PTPN20: variants seen among roughly 807,000 people sequenced by gnomAD.
The protein encoded by PTPN20 is protein tyrosine phosphatase non-receptor type 20, also known as tyrosine-protein phosphatase non-receptor type 20.
A neutral mutation model predicts 35.0 loss-of-function variants in PTPN20; 9 were observed. That is an observed-to-expected ratio of 0.26 (90% CI 0.15 to 0.45). PTPN20 has a LOEUF of 0.45. Among genes scored for constraint, PTPN20 ranks in the 20% least tolerant of loss-of-function variants. The probability of loss-of-function intolerance (pLI) is 1.00; values close to 1 mark genes in which losing one functional copy is unlikely to be tolerated. For missense variants in PTPN20, 111 were observed against 312.5 expected, an observed-to-expected ratio of 0.36 and a Z score of 4.86; for synonymous variants, 32 against 100.2, an observed-to-expected ratio of 0.32 and a Z score of 4.06.
intron 7 of PTPN20, among the ~76,000 whole-genome samples, chr10:46,972,217 T>A (rs2052394258): frequency 6.7e-6 from 1 of 149,046 alleles, no homozygotes; most frequent in African/African-American, 2.5e-5. Context: ...ATATTTATAA[T>A]CTATAATTAC....
intron 5 of PTPN20, among the ~76,000 whole-genome samples, chr10:46,953,273 C>T (rs1443682414): frequency 3.4e-5 from 5 of 146,032 alleles, no homozygotes; most frequent in Admixed American, 6.7e-5. Flanking sequence ...AGTAGATACT[C>T]ATGTTGGTGA....
chr10:46,991,164 C>T (rs1323141100), intron 9 of PTPN20, among the ~76,000 whole-genome samples: 1 of 112,820 alleles, frequency 8.9e-6, no homozygotes, highest in African/African-American at 3.2e-5. Context: ...TGAATTTTTC[C>T]CTTTGTCACT....
intron 1 of PTPN20, among the ~76,000 whole-genome samples, chr10:46,922,456 GT>G (rs1308194538): frequency 8.4e-6 from 1 of 118,652 alleles, no homozygotes; most frequent in Non-Finnish European, 1.7e-5. Context: ...TGTTTTACCT[GT>G]GGGTGGAAAG....
At chr10:46,948,004 A>C in intron 5 of PTPN20, 1 of 447,482 alleles carries the variant, frequency 2.2e-6, no homozygotes, top group Non-Finnish European at 4.4e-6. Context: ...ATAACAGACA[A>C]ACTGTATTCC....
intron 5 of PTPN20, among the ~76,000 whole-genome samples, chr10:46,957,279 T>G (rs1365852468): frequency 2.6e-5 from 4 of 151,606 alleles, no homozygotes; most frequent in Non-Finnish European, 5.9e-5. Flanking sequence ...CAATATTATG[T>G]CAAATAGAAG....
intron 7 of PTPN20, among the ~76,000 whole-genome samples, chr10:46,975,850 G>A (rs1375472868): frequency 2.0e-5 from 3 of 150,562 alleles, no homozygotes; most frequent in Admixed American, 2.0e-4. Flanking sequence ...TAGTAGAGAT[G>A]GGTTTTCTCC....
intron 9 of PTPN20, among the ~76,000 whole-genome samples, chr10:46,993,244 C>G (rs2058352651): frequency 6.6e-6 from 1 of 152,116 alleles, no homozygotes; most frequent in Non-Finnish European, 1.5e-5. Flanking sequence ...TTAGGGGAGC[C>G]CCCTCCAGTC....
chr10:46,959,192 G>A (rs1304108815), intron 5 of PTPN20, among the ~76,000 whole-genome samples: 2 of 125,294 alleles, frequency 1.6e-5, no homozygotes, highest in Admixed American at 8.1e-5. Context: ...GTTACTAGGC[G>A]TGTAAATGTT....
chr10:46,999,952 G>A lies in PTPN20; in HGVS notation c.1175G>A (p.Arg392His), dbSNP rs202027139. The A allele has an allele frequency of 1.0e-4, 168 of 1,613,704 alleles. No individual in the cohort carries two copies. The highest frequency in any genetic ancestry group is 7.3e-4 in the Admixed American group (44 of 59,994). Residue 392 changes from arginine (R) to histidine (H), a missense_variant, in exon 10 of 11, where the codon CGT (arginine) becomes CAT (histidine). Arg to His is a conservative substitution (Grantham distance 29). Coordinates refer to ENST00000374339, the MANE Select transcript of PTPN20 (RefSeq NM_001042357.5). The stretch of plus-strand genomic sequence containing the variant: ...ATAGTGGCCCAAATGAGAGAACAAC[G>A]TTCTGGCATGGTTCAAACGAAGGTA... Reference protein sequence around the residue: ...MDIVAQMREQRSGMVQTKEQY... With the variant: ...MDIVAQMREQHSGMVQTKEQY...
chr10:46,999,108 AG>A (rs2059659494), intron 9 of PTPN20, among the ~76,000 whole-genome samples: 1 of 152,146 alleles, frequency 6.6e-6, no homozygotes, highest in African/African-American at 2.4e-5. Context: ...AAAAACTAAA[AG>A]TTTTTTCAAA....
At chr10:46,923,494 T>A (rs1229185833) in intron 1 of PTPN20, among the ~76,000 whole-genome samples, 2 of 146,884 alleles carry the variant, frequency 1.4e-5, no homozygotes, top group Non-Finnish European at 3.0e-5. Flanking sequence ...GAATTTTCTT[T>A]GCTTCTTTAC....
intron 9 of PTPN20, among the ~76,000 whole-genome samples, chr10:46,994,581 G>T (rs965055095): frequency 3.3e-5 from 5 of 151,928 alleles, no homozygotes; most frequent in African/African-American, 4.8e-5. Context: ...TGATCCGCCC[G>T]CCTCGGCCTC....
intron 9 of PTPN20, among the ~76,000 whole-genome samples, chr10:46,991,640 C>T (rs1178136085): frequency 1.0e-3 from 130 of 129,972 alleles, no homozygotes; most frequent in African/African-American, 3.6e-3. Context: ...ATTTCCTTAG[C>T]TTTGATTGTC....
chr10:46,993,248 T>A (rs1222456711), intron 9 of PTPN20, among the ~76,000 whole-genome samples: 2 of 152,134 alleles, frequency 1.3e-5, no homozygotes, highest in Non-Finnish European at 2.9e-5. Context: ...GGGAGCCCCC[T>A]CCAGTCACTG....
At chr10:46,929,270 T>C (rs1467748133) in intron 1 of PTPN20, among the ~76,000 whole-genome samples, 1 of 128,594 alleles carries the variant, frequency 7.8e-6, no homozygotes, top group African/African-American at 3.3e-5. Flanking sequence ...TTGTTTCATA[T>C]TGGAGCTTTT....
chr10:46,999,860 T>C, intron 9 of PTPN20, 52 bp from the exon 10 acceptor site: 1 of 1,600,840 alleles, frequency 6.2e-7, no homozygotes, highest in Non-Finnish European at 8.6e-7. Flanking sequence ...ATCTGTGAAT[T>C]TGTGTTTTTC....
intron 9 of PTPN20, among the ~76,000 whole-genome samples, chr10:46,998,271 A>G (rs926327244): frequency 6.6e-5 from 10 of 152,216 alleles, no homozygotes; most frequent in Non-Finnish European, 1.0e-4. Context: ...GCACATATCC[A>G]CATCATGGAA....
At chr10:46,925,881 G>A (rs2037177077) in intron 1 of PTPN20, 1 of 619,822 alleles carries the variant, frequency 1.6e-6, no homozygotes, top group East Asian at 1.4e-4. Flanking sequence ...TAAAGATTAA[G>A]GACAAGGTTG....
Position 47,000,676 on chromosome 10 carries a change from G to A in PTPN20, c.1198G>A (p.Glu400Lys). Residue 400 changes from glutamate to lysine, a missense_variant and splice_region_variant, in exon 11 of 11, where the codon GAG becomes AAG. Around this residue, in one of 5 missense-constraint regions of PTPN20, gnomAD observed 61 missense variants for 54.3 expected, o/e 1.12. Coordinates refer to ENST00000374339, the MANE Select transcript of PTPN20 (RefSeq NM_001042357.5). The stretch of plus-strand genomic sequence containing the variant: ...TTGTTTTTTATATATATGTATATAG[G>A]AGCAGTATCACTTTTGTTACGATAT... ...EQRSGMVQTK[E>K]QYHFCYDIVL... The A allele has an allele frequency of 1.9e-6, 3 of 1,613,368 alleles. No individual in the cohort carries two copies. Among genetic ancestry groups the A allele is most frequent in the Non-Finnish European group, 2.5e-6 (3 of 1,179,474 alleles).
Sources: allele counts gnomAD v4.1 joint callset (sites outside exome capture counted in the v4.1 genomes callset), GRCh38; gene constraint gnomAD v4.1.1; regional missense constraint gnomAD v4.1.1; transcripts MANE v1.5; gene names NCBI Gene and HGNC (gene_info 2026-07-23, HGNC 2026-07-21).